Variants in DPP6 observed in about 807,000 individuals in gnomAD.
DPP6 encodes the protein dipeptidyl peptidase like 6.
Under a neutral mutation model 122.6 loss-of-function variants are expected in DPP6, and 69 were observed. The observed-to-expected ratio is 0.56, with a 90% CI of 0.46 to 0.69. The LOEUF (loss-of-function observed/expected upper bound fraction) is 0.69. DPP6 is among the 30% of genes least tolerant of loss of function. The pLI is 0.00. For missense variants in DPP6, 928 were observed against 1,116.9 expected (o/e 0.83, Z 2.41); for synonymous variants, 418 against 433.1 (o/e 0.97, Z 0.43).
chr7:154,729,158 C>T (rs1842214186), intron 8 of DPP6, among the ~76,000 whole-genome samples: 1 of 152,212 alleles, frequency 6.6e-6, no homozygotes, highest in African/African-American at 2.4e-5. Context: ...CATGTGGCTA[C>T]AGTAACCGTA....
intron 1 of DPP6, among the ~76,000 whole-genome samples, chr7:154,314,792 G>GGA (rs1465516982): frequency 6.6e-6 from 1 of 152,086 alleles, no homozygotes; most frequent in Non-Finnish European, 1.5e-5. Flanking sequence ...GTGAAACGTG[G>GGA]GAAATATAAT....
chr7:154,293,627 C>A (rs776291978), intron 1 of DPP6, among the ~76,000 whole-genome samples: 3 of 152,144 alleles, frequency 2.0e-5, no homozygotes, highest in Non-Finnish European at 4.4e-5. Context: ...TCTCCCAGGG[C>A]GACATACATA....
chr7:154,776,399 A>G (rs867193246), intron 10 of DPP6, among the ~76,000 whole-genome samples: 1 of 152,118 alleles, frequency 6.6e-6, no homozygotes, highest in Non-Finnish European at 1.5e-5. Flanking sequence ...GTCCTGATCA[A>G]ATATATGGTT....
intron 5 of DPP6, among the ~76,000 whole-genome samples, chr7:154,630,987 AG>A (rs1301696609): frequency 1.3e-5 from 2 of 152,372 alleles, no homozygotes; most frequent in African/African-American, 4.8e-5. Flanking sequence ...CCTAAAAAAA[AG>A]AATGTATTTC....
chr7:154,206,938 A>C (rs778007766), intron 1 of DPP6, among the ~76,000 whole-genome samples: 1 of 152,220 alleles, frequency 6.6e-6, no homozygotes, highest in Non-Finnish European at 1.5e-5. Context: ...TAGCTAGAGC[A>C]TTCATGAAGG....
intron 1 of DPP6, among the ~76,000 whole-genome samples, chr7:154,227,918 A>G (rs1429229337): frequency 1.3e-5 from 2 of 152,236 alleles, no homozygotes; most frequent in African/African-American, 4.8e-5. Flanking sequence ...CACTAAAGCT[A>G]CAATTTATTT....
chr7:154,340,780 A>G (rs1809859803), intron 1 of DPP6, among the ~76,000 whole-genome samples: 1 of 152,176 alleles, frequency 6.6e-6, no homozygotes, highest in Admixed American at 6.5e-5. Context: ...AGTCGCTGTT[A>G]TTATACCTAC....
At chr7:153,911,579 C>T (rs1800095150) in intron 1 of DPP6, among the ~76,000 whole-genome samples, 1 of 152,202 alleles carries the variant, frequency 6.6e-6, no homozygotes, top group South Asian at 2.1e-4. Context: ...CCCTTCCTCT[C>T]TCAGTTTGCA....
intron 1 of DPP6, among the ~76,000 whole-genome samples, chr7:154,321,466 T>C (rs963121946): frequency 2.6e-5 from 4 of 151,722 alleles, no homozygotes; most frequent in African/African-American, 4.8e-5. Flanking sequence ...TTATTACTTG[T>C]TGGGGATCAG....
chr7:153,903,073 G>A (rs1161281181), intron 1 of DPP6, among the ~76,000 whole-genome samples: 3 of 152,180 alleles, frequency 2.0e-5, no homozygotes, highest in African/African-American at 7.2e-5. Flanking sequence ...GAGTGCTCGA[G>A]ATGTTGACAC....
chr7:154,402,579 C>T (rs1245775444), intron 1 of DPP6, among the ~76,000 whole-genome samples: 112 of 140,028 alleles, frequency 8.0e-4, no homozygotes, highest in African/African-American at 3.0e-3. Context: ...AGGGGAACAT[C>T]ACACTCTGGG....
chr7:154,482,299 G>A (rs906684001), intron 3 of DPP6, among the ~76,000 whole-genome samples: 4 of 151,988 alleles, frequency 2.6e-5, no homozygotes, highest in African/African-American at 9.7e-5. Context: ...GCAATGAAGG[G>A]GGCAAAGGGA....
intron 1 of DPP6, among the ~76,000 whole-genome samples, chr7:153,917,565 C>T (rs1800380659): frequency 6.6e-6 from 1 of 152,148 alleles, no homozygotes; most frequent in Non-Finnish European, 1.5e-5. Context: ...TGCCACATTT[C>T]TCTCTCTTAC....
At chr7:154,680,694 TA>T (rs111811314) in intron 7 of DPP6, among the ~76,000 whole-genome samples, 48,477 of 149,354 alleles carry the variant, frequency 0.32, 8,117 homozygotes, top group African/African-American at 0.41. Flanking sequence ...ATATTTTTTT[TA>T]AAAAAAAATT....
chr7:153,978,315 A>AT (rs1031651912), intron 1 of DPP6, among the ~76,000 whole-genome samples: 6 of 152,136 alleles, frequency 3.9e-5, no homozygotes, highest in East Asian at 3.9e-4. Flanking sequence ...TGATGGTGAG[A>AT]TTTTTTTCAT....
At chr7:154,878,066 T>C (rs996736088) in intron 20 of DPP6, among the ~76,000 whole-genome samples, 1 of 152,180 alleles carries the variant, frequency 6.6e-6, no homozygotes, top group Non-Finnish European at 1.5e-5. Context: ...TTTTCATTTG[T>C]GTGTGGCTTC....
chr7:153,883,060 A>G (rs1462067319), upstream of DPP6, among the ~76,000 whole-genome samples: 1 of 152,228 alleles, frequency 6.6e-6, no homozygotes, highest in Non-Finnish European at 1.5e-5. Flanking sequence ...GAGAAGAGCC[A>G]AAACTGTTGA....
chr7:153,852,026 A>G, the DPP6 span, among the ~76,000 whole-genome samples: 6 of 152,110 alleles, frequency 3.9e-5, no homozygotes, highest in Non-Finnish European at 7.4e-5. Context: ...ACTTATCCTT[A>G]CACTCTGCTT....
chr7:154,558,176 C>T (rs568805616), intron 4 of DPP6, among the ~76,000 whole-genome samples: 5 of 152,144 alleles, frequency 3.3e-5, no homozygotes, highest in African/African-American at 9.6e-5. Flanking sequence ...TGAACTCCCA[C>T]TTATGAGTAA....
Sources: allele counts gnomAD v4.1 joint callset (sites outside exome capture counted in the v4.1 genomes callset), GRCh38; gene constraint gnomAD v4.1.1; transcripts MANE v1.5; gene names NCBI Gene and HGNC (gene_info 2026-07-23, HGNC 2026-07-21).